The following TRPM3 variants were observed in gnomAD, a reference collection of about 807,000 sequenced individuals.
TRPM3 encodes transient receptor potential cation channel subfamily M member 3.
A neutral mutation model predicts 181.2 loss-of-function variants in TRPM3; 77 were observed. The observed-to-expected ratio is 0.42, with a 90% CI of 0.35 to 0.51. The LOEUF is 0.51. TRPM3 is among the 20% of genes least tolerant of loss of function. The pLI, the probability that TRPM3 is intolerant of heterozygous loss-of-function variation, is 0.01. For missense variants in TRPM3, 1,759 were observed against 2,196.7 expected, an observed-to-expected ratio of 0.80 and a Z score of 3.98; for synonymous variants, 745 against 796.4, an observed-to-expected ratio of 0.94 and a Z score of 1.09.
At chr9:71,344,801 C>T (rs2091194602) in intron 1 of TRPM3, among the ~76,000 whole-genome samples, 1 of 152,118 alleles carries the variant, frequency 6.6e-6, no homozygotes, top group African/African-American at 2.4e-5. Flanking sequence ...AAGCAAGCCA[C>T]AGCCTGGAAA....
chr9:71,031,977 T>TATATATATATATATA (rs1422340634), intron 1 of TRPM3, among the ~76,000 whole-genome samples: 1 of 2,896 alleles, frequency 3.5e-4, no homozygotes, highest in Non-Finnish European at 4.8e-4. Flanking sequence ...ATATATTATA[T>TATATATATATATATA]ATATATATAT....
intron 5 of TRPM3, among the ~76,000 whole-genome samples, chr9:70,841,735 T>C (rs1049657741): frequency 1.4e-5 from 2 of 147,738 alleles, no homozygotes; most frequent in African/African-American, 5.0e-5. Context: ...TATATATATA[T>C]GGTGGGATAC....
rs192347447 is a variant in TRPM3, at chr9:71,013,034, T to C, written c.177+108144A>G. Among the ~76,000 whole-genome samples, 4 of 152,244 alleles carry C rather than the reference T, an allele frequency of 2.6e-5. No homozygotes were observed. The East Asian group carries it at 7.7e-4, about 29-fold the overall frequency. ...ACACACATACACAGATATAGATATG[T>C]ACACATACACGCATATTTGTACAGA... On this transcript the variant is annotated intron_variant, in intron 1 of 25. Coordinates refer to ENST00000677713, the MANE Select transcript of TRPM3 (RefSeq NM_001366145.2).
intron 1 of TRPM3, among the ~76,000 whole-genome samples, chr9:71,257,269 T>C (rs2082730694): frequency 6.6e-6 from 1 of 151,956 alleles, no homozygotes; most frequent in Non-Finnish European, 1.5e-5. Context: ...AGATAAAGGA[T>C]AGGGAAGAGA....
chr9:71,044,762 C>T (rs1462797746), intron 1 of TRPM3, among the ~76,000 whole-genome samples: 1 of 152,090 alleles, frequency 6.6e-6, no homozygotes, highest in African/African-American at 2.4e-5. Flanking sequence ...ACCTCCGCCT[C>T]CCGGGTTCAC....
chr9:70,745,880 C>T (rs2075071043), intron 8 of TRPM3, among the ~76,000 whole-genome samples: 1 of 152,108 alleles, frequency 6.6e-6, no homozygotes, highest in African/African-American at 2.4e-5. Flanking sequence ...TCAAAGTATG[C>T]CCTACTGACA....
At chr9:71,216,091 G>GT (rs1293597591) in intron 1 of TRPM3, among the ~76,000 whole-genome samples, 2 of 152,206 alleles carry the variant, frequency 1.3e-5, no homozygotes, top group African/African-American at 2.4e-5. Context: ...CTCCTTGACT[G>GT]TAACTGAAGT....
intron 12 of TRPM3, among the ~76,000 whole-genome samples, chr9:70,629,219 G>GGGGGGGGGC (rs2065290683): frequency 2.7e-5 from 2 of 73,864 alleles, no homozygotes; most frequent in Admixed American, 1.2e-4. Context: ...CAGTGCCGGG[G>GGGGGGGGGC]GGGGGGGGGG....
chr9:71,372,507 G>GGTT (rs112619939), intron 1 of TRPM3, among the ~76,000 whole-genome samples: 6 of 152,024 alleles, frequency 3.9e-5, no homozygotes, highest in South Asian at 4.2e-4. Context: ...TTTGGCTTTT[G>GGTT]GTTGTTGTTG....
Position 70,806,690 on chromosome 9 carries a change from A to AAAAATAAAATAAAATAAAATAAAAT in TRPM3, c.973+21132_973+21156dup, listed in dbSNP as rs144668023. ...GGGTGACAGAGCTAGACTCCGTCTC[A>AAAAATAAAATAAAATAAAATAAAAT]AAAATAAAATAAAATAAAATAAAAT... On this transcript the variant is annotated intron_variant, in intron 6 of 25. Transcript: ENST00000677713. 4.4e-4 allele frequency among the ~76,000 whole-genome samples: 65 copies of AAAAATAAAATAAAATAAAATAAAAT among 148,854 alleles called. 2 individuals are homozygous for AAAAATAAAATAAAATAAAATAAAAT. Among genetic ancestry groups the AAAAATAAAATAAAATAAAATAAAAT allele is most frequent in the African/African-American group, 1.5e-3 (61 of 40,670 alleles).
intron 1 of TRPM3, among the ~76,000 whole-genome samples, chr9:70,935,571 G>A (rs2096821262): frequency 1.3e-5 from 2 of 152,124 alleles, no homozygotes; most frequent in Non-Finnish European, 2.9e-5. Flanking sequence ...CAAAATGTAC[G>A]ATGTTATCTA....
At chr9:71,264,308 G>A (rs556989598) in intron 1 of TRPM3, among the ~76,000 whole-genome samples, 5 of 152,198 alleles carry the variant, frequency 3.3e-5, no homozygotes, top group South Asian at 4.2e-4. Context: ...CATTCATATT[G>A]ACAAAAGCAG....
At chr9:71,122,838 T>C (rs1279169737), upstream of TRPM3, among the ~76,000 whole-genome samples, 1 of 152,214 alleles carries the variant, frequency 6.6e-6, no homozygotes, top group African/African-American at 2.4e-5. Flanking sequence ...AAAATTTATG[T>C]CTCTGATTAT....
chr9:71,117,045 A>T (rs1331740854), intron 1 of TRPM3, among the ~76,000 whole-genome samples: 1 of 152,200 alleles, frequency 6.6e-6, no homozygotes, highest in East Asian at 1.9e-4. Context: ...CCAACCCTAC[A>T]GCAAAGATAG....
At chr9:70,545,599 C>G (rs113791587) in intron 25 of TRPM3, among the ~76,000 whole-genome samples, 3 of 133,988 alleles carry the variant, frequency 2.2e-5, no homozygotes, top group African/African-American at 8.5e-5. Context: ...CAGGCTAGAG[C>G]GCAGTGGTAC....
At chr9:70,639,222 G>A in intron 10 of TRPM3, 28 bp from the exon 11 acceptor site, 1 of 1,611,726 alleles carries the variant, frequency 6.2e-7, no homozygotes, top group Non-Finnish European at 8.5e-7. Flanking sequence ...GAGTTAGTCT[G>A]CCCCAGGGTC....
At chr9:70,576,498 C>T (rs1041530989) in intron 22 of TRPM3, among the ~76,000 whole-genome samples, 2 of 151,278 alleles carry the variant, frequency 1.3e-5, no homozygotes, top group Admixed American at 6.6e-5. Context: ...TCCTCCTCCT[C>T]CTCCTTCTTC....
chr9:71,298,672 G>A (rs1267564105), intron 1 of TRPM3, among the ~76,000 whole-genome samples: 1 of 152,048 alleles, frequency 6.6e-6, no homozygotes, highest in African/African-American at 2.4e-5. Flanking sequence ...GGGTCCAAGA[G>A]CAAACTGCAG....
intron 1 of TRPM3, among the ~76,000 whole-genome samples, chr9:71,107,072 T>C (rs1232477484): frequency 6.6e-6 from 1 of 152,130 alleles, no homozygotes; most frequent in Non-Finnish European, 1.5e-5. Context: ...CACTTCAACT[T>C]GAGCAATGTA....
Sources: allele counts gnomAD v4.1 joint callset (sites outside exome capture counted in the v4.1 genomes callset), GRCh38; gene constraint gnomAD v4.1.1; transcripts MANE v1.5; gene names NCBI Gene and HGNC (gene_info 2026-07-23, HGNC 2026-07-21).